Variants in ANAPC5 observed in about 807,000 individuals in gnomAD.
ANAPC5 encodes anaphase-promoting complex subunit 5.
Under a neutral mutation model 91.3 loss-of-function variants are expected in ANAPC5, and 60 were observed. That is an observed-to-expected ratio of 0.66 (90% CI 0.53 to 0.81). ANAPC5 has a LOEUF of 0.81. ANAPC5 is among the 40% of genes least tolerant of loss of function. ANAPC5 has a pLI of 0.00. For missense variants in ANAPC5, 690 were observed against 931.5 expected (o/e 0.74, Z 3.37); for synonymous variants, 340 against 364.1 (o/e 0.93, Z 0.75).
chr12:121,351,826 G>T (rs1369747990), intron 1 of ANAPC5, among the ~76,000 whole-genome samples: 1 of 151,688 alleles, frequency 6.6e-6, no homozygotes, highest in Non-Finnish European at 1.5e-5. Flanking sequence ...TTATCCCTGT[G>T]TCTCCAACGC....
chr12:121,352,868 C>G (rs950283202), upstream of ANAPC5, among the ~76,000 whole-genome samples: 2 of 152,050 alleles, frequency 1.3e-5, no homozygotes, highest in Admixed American at 6.6e-5. Context: ...CCCGCCTTCC[C>G]GAGAAGCTGG....
chr12:121,324,952 C>T (rs1902754236), intron 11 of ANAPC5, among the ~76,000 whole-genome samples: 1 of 151,926 alleles, frequency 6.6e-6, no homozygotes, highest in Non-Finnish European at 1.5e-5. Context: ...ACTGCTTGAG[C>T]CCAGAAATTT....
intron 8 of ANAPC5, 190 bp downstream of exon 8, chr12:121,331,157 A>G (rs1903028960): frequency 1.9e-6 from 1 of 524,672 alleles, no homozygotes; most frequent in African/African-American, 1.9e-5. Flanking sequence ...CAAAAGCAAA[A>G]CAGATGTCAT....
Position 121,331,383 on chromosome 12 carries a change from C to A in ANAPC5, c.996G>T (p.Gln332His). The A allele has an allele frequency of 6.2e-7, 1 of 1,609,390 alleles. No individual in the cohort carries two copies. The highest frequency in any genetic ancestry group is 1.1e-5 in the South Asian group (1 of 90,982). ...LALQEAIRIA[Q>H]ESNDHVCLQH... ...GGAGACACACGTGATCGTTGGACTC[C>A]TGGGCAATCCTAATTGCCTCCTGCA... The change falls in exon 8 of 17, where the codon CAG becomes CAT. Residue 332 changes from glutamine (Q) to histidine (H), a missense_variant. This residue lies in a region of ANAPC5 where 83 missense variants were observed against 150.8 expected (regional missense o/e 0.55). Transcript: ENST00000261819.
chr12:121,328,589 G>T, intron 9 of ANAPC5, 92 bp from the exon 10 acceptor site: 1 of 1,197,188 alleles, frequency 8.4e-7, no homozygotes, highest in Non-Finnish European at 1.2e-6. Context: ...TCACATTTCA[G>T]CACATGCACA....
chr12:121,329,029 T>C (rs1555272589), intron 9 of ANAPC5: 1 of 152,664 alleles, frequency 6.6e-6, no homozygotes, highest in Admixed American at 6.5e-5. Flanking sequence ...CTTAAATTCA[T>C]GGCAAAAATT....
At chr12:121,341,855 G>A (rs1206312573) in intron 5 of ANAPC5, 148 bp downstream of exon 5, 6 of 478,172 alleles carry the variant, frequency 1.3e-5, no homozygotes, top group African/African-American at 1.2e-4. Context: ...CTTCGTTAGT[G>A]AGGCAGAGGG....
At chr12:121,318,673 T>A (rs1440708522) in intron 13 of ANAPC5, 65 bp from the exon 14 acceptor site, 3 of 1,371,734 alleles carry the variant, frequency 2.2e-6, no homozygotes, top group Non-Finnish European at 3.1e-6. Context: ...GAATCTCAAT[T>A]TATTCAATTG....
At chr12:121,339,831 G>T in intron 5 of ANAPC5, among the ~76,000 whole-genome samples, 1 of 147,106 alleles carries the variant, frequency 6.8e-6, no homozygotes, top group Admixed American at 6.8e-5. Flanking sequence ...TTTTTATTCT[G>T]AAAATCAAAT....
Position 121,319,721 on chromosome 12 carries a change from A to C in ANAPC5, c.1613T>G (p.Leu538Arg). ...CCTATAAACACCCTCTATGCTATTGAGAGCTGTGATTCCTGTAACAAGTGA... is the reference window on the plus strand; with the variant it reads ...CCTATAAACACCCTCTATGCTATTGCGAGCTGTGATTCCTGTAACAAGTGA... The part of the protein sequence containing the change: ...ADSLVTGITA[L>R]NSIEGVYRKA... Residue 538 changes from leucine (L) to arginine (R), a missense_variant, in exon 13 of 17, where the codon CTC becomes CGC. Physicochemically the swap from Leu to Arg is moderately radical, Grantham distance 102 (BLOSUM62 -2). Coordinates refer to ENST00000261819, the MANE Select transcript of ANAPC5 (RefSeq NM_016237.5). 1.9e-6 allele frequency: 3 copies of C among 1,612,240 alleles called. No individual in the cohort carries two copies. Among genetic ancestry groups the C allele is most frequent in the Non-Finnish European group, 2.5e-6 (3 of 1,179,470 alleles).
chr12:121,318,362 A>C lies in ANAPC5; in HGVS notation c.1808T>G (p.Met603Arg), dbSNP rs1902455316. ...GGAGAGGGCCAGAGCCTGCAGGAGC[A>C]TGGGCAGCGCGATGGTAGGGGAGGA... ...RSSSPTIALP[M>R]LLQALALSKE... The change falls in exon 15 of 17, where the codon ATG becomes AGG. Residue 603 changes from methionine to arginine, a missense_variant. Around this residue, in one of 5 missense-constraint regions of ANAPC5, gnomAD observed 317 missense variants for 438.7 expected, o/e 0.72. Coordinates refer to ENST00000261819, the MANE Select transcript of ANAPC5 (RefSeq NM_016237.5). 2.5e-6 allele frequency: 4 copies of C among 1,612,376 alleles called. No homozygotes were observed. The highest frequency in any genetic ancestry group is 3.4e-6 in the Non-Finnish European group (4 of 1,179,176).
chr12:121,310,463 T>C (rs143202096), intron 15 of ANAPC5: 1,740 of 152,520 alleles, frequency 0.011, 19 homozygotes, highest in Non-Finnish European at 0.02. Context: ...CTCAGGAGGC[T>C]GAGGCAGGAG....
At chr12:121,311,197 T>C (rs866392367) in intron 15 of ANAPC5, among the ~76,000 whole-genome samples, 4 of 150,750 alleles carry the variant, frequency 2.7e-5, no homozygotes, top group African/African-American at 7.3e-5. Flanking sequence ...GAGTTCAAGG[T>C]TACAGTGAGC....
rs1308053210 is a variant in ANAPC5, at chr12:121,345,958, G to A, written c.471C>T (p.Ala157=). 1.2e-6 allele frequency: 2 copies of A among 1,613,962 alleles called. No homozygotes were observed. Among genetic ancestry groups the A allele is most frequent in the African/African-American group, 1.3e-5 (1 of 74,912 alleles). Residue 157 remains alanine (A), a synonymous_variant, in exon 4 of 17, where the codon GCC becomes GCT. Coordinates refer to ENST00000261819, the MANE Select transcript of ANAPC5 (RefSeq NM_016237.5). ...SFSQVFKLYT[A]LQQYFQNGEK... ...CACCATTCTGGAAGTACTGCTGAAG[G>A]GCAGTGTACAGTTTAAACACTTGGC...
intron 16 of ANAPC5, among the ~76,000 whole-genome samples, chr12:121,309,316 C>T (rs998711661): frequency 2.0e-5 from 3 of 149,778 alleles, no homozygotes; most frequent in Non-Finnish European, 4.4e-5. Context: ...TGGTGGTGTG[C>T]GCCTTTACAT....
chr12:121,335,691 G>C lies in ANAPC5; in HGVS notation c.792C>G (p.Val264=). 1.2e-6 allele frequency: 2 copies of C among 1,609,828 alleles called. No individual in the cohort carries two copies. The highest frequency in any genetic ancestry group is 1.7e-6 in the Non-Finnish European group (2 of 1,176,432). Residue 264 remains valine (V), a synonymous_variant, in exon 7 of 17, where the codon GTC becomes GTG. Coordinates refer to ENST00000261819, the MANE Select transcript of ANAPC5 (RefSeq NM_016237.5). ...TGTGTGTTGAACTGAAAACATCTTG[G>C]ACACGGAGGTTGTTTAAGTAGCTGA... The part of the protein sequence containing the change: ...HYLSYLNNLR[V]QDVFSSTHSL...
rs774924388 is a variant in ANAPC5, at chr12:121,318,493, C to T, written c.1745+8G>A. The T allele has an allele frequency of 6.2e-6, 10 of 1,614,048 alleles. No individual in the cohort carries two copies. The East Asian group carries it at 2.0e-4, about 32-fold the overall frequency. On this transcript the variant is annotated splice_region_variant and intron_variant, in intron 14 of 16. Transcript: ENST00000261819. ...ACATCTCCGTGAGATGTACAAGAGA[C>T]CCCTTACCTGATCACCATTTCTGTG...
intron 16 of ANAPC5, among the ~76,000 whole-genome samples, chr12:121,309,446 A>AG (rs1902070860): frequency 6.6e-6 from 1 of 152,142 alleles, no homozygotes; most frequent in Non-Finnish European, 1.5e-5. Flanking sequence ...TCAAAAAAAA[A>AG]AAAGTCTTTA....
intron 5 of ANAPC5, among the ~76,000 whole-genome samples, chr12:121,341,679 C>G (rs1012254110): frequency 6.6e-6 from 1 of 152,142 alleles, no homozygotes; most frequent in Non-Finnish European, 1.5e-5. Flanking sequence ...GCTTTTCAGG[C>G]TCTCTTTATG....
Sources: allele counts gnomAD v4.1 joint callset (sites outside exome capture counted in the v4.1 genomes callset), GRCh38; gene constraint gnomAD v4.1.1; regional missense constraint gnomAD v4.1.1; transcripts MANE v1.5; gene names NCBI Gene and HGNC (gene_info 2026-07-23, HGNC 2026-07-21).